The following DCLK3 variants were observed in gnomAD, a reference collection of about 807,000 sequenced individuals.
DCLK3 encodes doublecortin like kinase 3.
A neutral mutation model predicts 46.4 loss-of-function variants in DCLK3; 30 were observed. The ratio of observed to expected loss-of-function variants is 0.65; its 90% CI spans 0.48 to 0.88. The LOEUF (loss-of-function observed/expected upper bound fraction) is 0.88. Ranked by LOEUF, DCLK3 falls within the 40% of genes least tolerant of loss-of-function variation. The pLI, the probability that DCLK3 is intolerant of heterozygous loss-of-function variation, is 0.00. For missense variants in DCLK3, 846 were observed against 907.1 expected (o/e 0.93, Z 0.87); for synonymous variants, 401 against 339.2 (o/e 1.18, Z -2.00).
At chr3:36,752,710 A>G (rs1453720862) in intron 1 of DCLK3, among the ~76,000 whole-genome samples, 1 of 152,122 alleles carries the variant, frequency 6.6e-6, no homozygotes, top group African/African-American at 2.4e-5. Flanking sequence ...AAATTGCTCC[A>G]TCCCCCTCCC....
chr3:36,719,170 C>T (rs1435481361), intron 3 of DCLK3, among the ~76,000 whole-genome samples: 2 of 152,126 alleles, frequency 1.3e-5, no homozygotes, highest in African/African-American at 2.4e-5. Flanking sequence ...CCTAAAATAA[C>T]CTTCCAGCAA....
intron 2 of DCLK3, among the ~76,000 whole-genome samples, chr3:36,731,065 C>T (rs1177507586): frequency 2.0e-5 from 3 of 151,982 alleles, no homozygotes; most frequent in African/African-American, 4.8e-5. Context: ...AATGTGAATG[C>T]GAAGGGAAGC....
chr3:36,729,481 T>A (rs1487089346), intron 2 of DCLK3, among the ~76,000 whole-genome samples: 1 of 152,202 alleles, frequency 6.6e-6, no homozygotes, highest in Non-Finnish European at 1.5e-5. Flanking sequence ...CACCAAAGTG[T>A]CATGCTTGGA....
At chr3:36,730,847 G>A (rs1701190373) in intron 2 of DCLK3, among the ~76,000 whole-genome samples, 1 of 151,944 alleles carries the variant, frequency 6.6e-6, no homozygotes, top group Non-Finnish European at 1.5e-5. Context: ...GCAAGGGTGA[G>A]CCATATTAAG....
intron 1 of DCLK3, among the ~76,000 whole-genome samples, chr3:36,752,258 A>G (rs1701449280): frequency 6.6e-6 from 1 of 152,212 alleles, no homozygotes; most frequent in African/African-American, 2.4e-5. Flanking sequence ...GGGACAATCC[A>G]TGGTACAATG....
rs1246110105 is a variant in DCLK3 at position 36,737,119 on chromosome 3, A to G, written c.1959+89T>C. 1.4e-6 allele frequency: 2 copies of G among 1,468,272 alleles called. No individual in the cohort carries two copies. Among genetic ancestry groups the G allele is most frequent in the Non-Finnish European group, 1.8e-6 (2 of 1,102,008 alleles). The allele number at this position is 1,468,272 out of a possible 1,614,324, so 91.0% of individuals were successfully genotyped here. On this transcript the variant is annotated intron_variant, in intron 2 of 4. Coordinates refer to ENST00000636136, the MANE Select transcript of DCLK3 (RefSeq NM_001394672.2). The surrounding 1 kb of genome is among the most constrained non-coding windows in gnomAD (Gnocchi z 4.4). The stretch of plus-strand genomic sequence containing the variant: ...ACATAAAAGTAAAATTCTAGTGTGT[A>G]AAGGTGACAGAGTATAAAACAATTA...
chr3:36,715,637 C>T, intron 4 of DCLK3, 116 bp from the exon 5 acceptor site: 9 of 1,138,790 alleles, frequency 7.9e-6, no homozygotes, highest in Non-Finnish European at 1.1e-5. Flanking sequence ...TGGCTGAAAG[C>T]CTCCTTCATA....
At chr3:36,722,608 T>C (rs1282675903) in intron 2 of DCLK3, among the ~76,000 whole-genome samples, 4 of 152,174 alleles carry the variant, frequency 2.6e-5, no homozygotes, top group South Asian at 2.1e-4. Context: ...TGGGCAGTAA[T>C]TGAATCATGG....
intron 1 of DCLK3, among the ~76,000 whole-genome samples, chr3:36,750,148 T>TTGGCTCAC (rs1057244332): frequency 6.6e-6 from 1 of 152,220 alleles, no homozygotes; most frequent in African/African-American, 2.4e-5. Context: ...TGGCGCAATC[T>TTGGCTCAC]TGGCTCACTG....
At chr3:36,758,039 C>G (rs112204782) in intron 1 of DCLK3, among the ~76,000 whole-genome samples, 6 of 152,286 alleles carry the variant, frequency 3.9e-5, no homozygotes, top group African/African-American at 1.2e-4. Flanking sequence ...CCCCCTCAGC[C>G]ACCCCATACA....
rs758418167 is a variant in DCLK3 at position 36,737,091 on chromosome 3, A to G, written c.1959+117T>C. ...TAAATACTGGAACAAGTATGTTATA[A>G]TAACATAAAAGTAAAATTCTAGTGT... is the stretch of plus-strand genomic sequence containing the variant. On this transcript the variant is annotated intron_variant, in intron 2 of 4. Coordinates refer to ENST00000636136, the MANE Select transcript of DCLK3 (RefSeq NM_001394672.2). The surrounding 1 kb of genome is among the most constrained non-coding windows in gnomAD (Gnocchi z 4.4). The G allele has an allele frequency of 7.3e-7, 1 of 1,367,112 alleles. No individual in the cohort carries two copies. Among genetic ancestry groups the G allele is most frequent in the Non-Finnish European group, 9.8e-7 (1 of 1,023,110 alleles). The allele number at this position is 1,367,112 out of a possible 1,614,324, so 84.7% of individuals were successfully genotyped here. A position where few individuals can be genotyped will look rare whatever the true frequency, so the allele number is the denominator to read the frequency against.
rs1439955533 is a variant in DCLK3, at chr3:36,738,332, TG to T, written c.834del (p.Arg279GlyfsTer69). ...TGCCTCTCTTCCAGAGTGGCTTCCC[TG>T]GGGGGCTTGCTACTGGGTTCTGGCT... ...KWEPEPSSKP[P>X]REATLEERHA... On this transcript the variant is annotated frameshift_variant, in exon 2 of 5. Transcript: ENST00000636136. LOFTEE classifies it high-confidence loss of function. The T allele has an allele frequency of 2.0e-6, 3 of 1,508,166 alleles. No individual in the cohort carries two copies. The highest frequency in any genetic ancestry group is 1.8e-4 in the Middle Eastern group (1 of 5,596). 93.4% of individuals were successfully genotyped at this position (1,508,166 alleles called of 1,614,324 possible).
intron 1 of DCLK3, among the ~76,000 whole-genome samples, chr3:36,743,641 T>A (rs1368646064): frequency 1.1e-4 from 17 of 152,200 alleles, no homozygotes; most frequent in Admixed American, 1.1e-3. Flanking sequence ...CTGCTTCTAC[T>A]TCATTACACC....
At chr3:36,727,440 T>G (rs991149057) in intron 2 of DCLK3, among the ~76,000 whole-genome samples, 1 of 152,204 alleles carries the variant, frequency 6.6e-6, no homozygotes, top group Admixed American at 6.5e-5. Flanking sequence ...TGTAGCAGAT[T>G]AAATGTTTTG....
intron 4 of DCLK3, among the ~76,000 whole-genome samples, chr3:36,716,257 A>G (rs752544489): frequency 3.3e-5 from 5 of 152,146 alleles, no homozygotes; most frequent in Admixed American, 6.5e-5. Context: ...CACTCAAGAT[A>G]TGCACAAGAA....
At chr3:36,719,152 A>G (rs1229231670) in intron 3 of DCLK3, among the ~76,000 whole-genome samples, 1 of 152,210 alleles carries the variant, frequency 6.6e-6, no homozygotes, top group African/African-American at 2.4e-5. Flanking sequence ...CACATGTCTG[A>G]TTATATTCCT....
chr3:36,761,046 T>G (rs564472996), intron 1 of DCLK3, among the ~76,000 whole-genome samples: 1 of 152,334 alleles, frequency 6.6e-6, no homozygotes, highest in East Asian at 1.9e-4. Flanking sequence ...CCCTGCCCTT[T>G]GCAAATTCTG....
At chr3:36,726,204 G>T (rs1275687488) in intron 2 of DCLK3, among the ~76,000 whole-genome samples, 1 of 152,022 alleles carries the variant, frequency 6.6e-6, no homozygotes, top group African/African-American at 2.4e-5. Flanking sequence ...TTGAGGGAAG[G>T]TTAAATAATC....
intron 1 of DCLK3, among the ~76,000 whole-genome samples, chr3:36,747,141 T>C (rs1342028622): frequency 3.3e-5 from 5 of 152,160 alleles, no homozygotes; most frequent in Non-Finnish European, 5.9e-5. Context: ...GTACAGTATA[T>C]AGAAGTGGCA....
Sources: allele counts gnomAD v4.1 joint callset (sites outside exome capture counted in the v4.1 genomes callset), GRCh38; gene constraint gnomAD v4.1.1; non-coding constraint Gnocchi (gnomAD v3.1); transcripts MANE v1.5; gene names NCBI Gene and HGNC (gene_info 2026-07-23, HGNC 2026-07-21).